The following RAB30 variants were observed in gnomAD, a reference collection of about 807,000 sequenced individuals.
The protein encoded by RAB30 is ras-related protein Rab-30.
RAB30 carries 9 observed loss-of-function variants against 25.1 expected under a neutral mutation model. The observed-to-expected ratio is 0.36, with a 90% confidence interval of 0.22 to 0.63. The LOEUF is 0.63. RAB30 is among the 20% of genes least tolerant of loss of function. The pLI is 0.69. For synonymous variants in RAB30, 77 were observed against 86.4 expected, an observed-to-expected ratio of 0.89 and a Z score of 0.60; for missense variants, 140 against 243.5, an observed-to-expected ratio of 0.58 and a Z score of 2.83.
chr11:82,983,022 T>C (rs942056144), intron 4 of RAB30, among the ~76,000 whole-genome samples: 3 of 151,558 alleles, frequency 2.0e-5, no homozygotes, highest in African/African-American at 7.3e-5. Flanking sequence ...TTCTATATAC[T>C]GCCATGTAAT....
rs1285215315 is a variant in RAB30, at chr11:82,981,146, A to C, written c.*1019T>G. 6.6e-6 allele frequency: 1 copy of C among 152,206 alleles called. No individual in the cohort carries two copies. Among genetic ancestry groups the C allele is most frequent in the Non-Finnish European group, 1.5e-5 (1 of 68,032 alleles). 9.4% of individuals were successfully genotyped at this position (152,206 alleles called of 1,614,324 possible). On this transcript the variant is annotated 3_prime_UTR_variant, in exon 5 of 5. Transcript: ENST00000527633. ...AAGTAAAAGATGTGACCTACTATCA[A>C]GGACTGTGCTCTGCTAGGAGCCCTG...
At chr11:83,029,398 A>T (rs988839878) in intron 1 of RAB30, among the ~76,000 whole-genome samples, 12 of 149,756 alleles carry the variant, frequency 8.0e-5, no homozygotes, top group African/African-American at 1.2e-4. Context: ...TAAATATTTT[A>T]TTATTATTAT....
At chr11:83,062,778 A>G (rs1590882416) in intron 1 of RAB30, among the ~76,000 whole-genome samples, 1 of 152,122 alleles carries the variant, frequency 6.6e-6, no homozygotes, top group East Asian at 1.9e-4. Flanking sequence ...AAGTGGGCGG[A>G]TCGCCTGAGG....
intron 1 of RAB30, among the ~76,000 whole-genome samples, chr11:83,058,349 A>T (rs1858498003): frequency 6.6e-6 from 1 of 152,250 alleles, no homozygotes; most frequent in South Asian, 2.1e-4. Flanking sequence ...GCAAAAAATA[A>T]AATAAAATTT....
chr11:83,023,358 G>C (rs1215746715), intron 1 of RAB30, among the ~76,000 whole-genome samples: 1 of 152,184 alleles, frequency 6.6e-6, no homozygotes, highest in Non-Finnish European at 1.5e-5. Flanking sequence ...CTTAAGGTCA[G>C]CGCTCAGATA....
At chr11:83,064,306 C>T (rs1858646062) in intron 1 of RAB30, among the ~76,000 whole-genome samples, 1 of 152,112 alleles carries the variant, frequency 6.6e-6, no homozygotes, top group Admixed American at 6.6e-5. Flanking sequence ...CAGAGTTTCA[C>T]CATGTTGCCC....
intron 2 of RAB30, among the ~76,000 whole-genome samples, chr11:82,996,811 G>C (rs1023595510): frequency 6.6e-6 from 1 of 152,232 alleles, no homozygotes; most frequent in Middle Eastern, 3.2e-3. Flanking sequence ...GGCATAGGCA[G>C]AGTTTGATTG....
intron 1 of RAB30, among the ~76,000 whole-genome samples, chr11:83,054,228 T>C (rs1250388940): frequency 6.6e-6 from 1 of 152,210 alleles, no homozygotes; most frequent in Non-Finnish European, 1.5e-5. Flanking sequence ...GTGCCCCTCC[T>C]CTATGCTCCA....
chr11:82,984,956 G>A (rs1815479176), intron 4 of RAB30, among the ~76,000 whole-genome samples: 2 of 152,114 alleles, frequency 1.3e-5, no homozygotes, highest in Admixed American at 6.6e-5. Flanking sequence ...TAATTGCAAG[G>A]GACTGAAATA....
intron 1 of RAB30, among the ~76,000 whole-genome samples, chr11:83,050,956 C>T (rs1351813811): frequency 6.6e-6 from 1 of 152,060 alleles, no homozygotes; most frequent in African/African-American, 2.4e-5. Context: ...CTTTTGAGTC[C>T]CTGTGTGGTT....
At chr11:83,067,410 C>T (rs1317468546) in intron 1 of RAB30, among the ~76,000 whole-genome samples, 2 of 152,022 alleles carry the variant, frequency 1.3e-5, no homozygotes, top group African/African-American at 4.8e-5. Flanking sequence ...AAGCAGTGTC[C>T]AGTGTGAGAA....
intron 1 of RAB30, among the ~76,000 whole-genome samples, chr11:83,009,585 C>T (rs4365073): frequency 0.22 from 32,814 of 151,214 alleles, 4,256 homozygotes; most frequent in Admixed American, 0.29. Context: ...AACAACATGC[C>T]CAGGGAGCCA....
At chr11:83,067,368 G>A (rs950734059) in intron 1 of RAB30, among the ~76,000 whole-genome samples, 3 of 152,136 alleles carry the variant, frequency 2.0e-5, no homozygotes, top group Non-Finnish European at 4.4e-5. Flanking sequence ...AAAAAAAAAT[G>A]TGATATGTCC....
At chr11:83,059,824 G>A (rs1420013010) in intron 1 of RAB30, among the ~76,000 whole-genome samples, 1 of 151,994 alleles carries the variant, frequency 6.6e-6, no homozygotes, top group Non-Finnish European at 1.5e-5. Context: ...TAAGGTTGAG[G>A]GGGAAAAAAG....
intron 1 of RAB30, among the ~76,000 whole-genome samples, chr11:83,029,536 G>A (rs1200692827): frequency 6.6e-6 from 1 of 151,586 alleles, no homozygotes. Flanking sequence ...CAAAGTGCTG[G>A]GATTACAGGT....
chr11:83,041,195 CA>C (rs1158408440), intron 1 of RAB30: 85 of 140,880 alleles, frequency 6.0e-4, no homozygotes, highest in Middle Eastern at 7.3e-3. Context: ...AACTCTGTCT[CA>C]AAAAAAAAAA....
intron 1 of RAB30, among the ~76,000 whole-genome samples, chr11:83,007,572 G>A (rs373035745): frequency 1.3e-5 from 2 of 152,064 alleles, no homozygotes; most frequent in East Asian, 1.9e-4. Context: ...TTATCTTCTG[G>A]TGCTCTTTCT....
Position 82,978,380 on chromosome 11 carries a change from A to G in RAB30, c.*3785T>C, listed in dbSNP as rs1044034624. 4.6e-5 allele frequency: 7 copies of G among 152,166 alleles called. No homozygotes were observed. Among genetic ancestry groups the G allele is most frequent in the Non-Finnish European group, 1.0e-4 (7 of 68,028 alleles). The allele number at this position is 152,166 out of a possible 1,614,324, so 9.4% of individuals were successfully genotyped here. Reference sequence around the variant, plus strand: ...GCCCTAAATGACAGGTAATAAATCTAAACTTAGGAACATTTCCTCACAGTT... The same window carrying G: ...GCCCTAAATGACAGGTAATAAATCTGAACTTAGGAACATTTCCTCACAGTT... On this transcript the variant is annotated 3_prime_UTR_variant, in exon 5 of 5. Transcript: ENST00000527633.
At chr11:82,984,866 G>C (rs1856710056) in intron 4 of RAB30, among the ~76,000 whole-genome samples, 1 of 152,144 alleles carries the variant, frequency 6.6e-6, no homozygotes, top group Admixed American at 6.5e-5. Flanking sequence ...ACATTCCTGG[G>C]GTCATGTCAA....
Sources: allele counts gnomAD v4.1 joint callset (sites outside exome capture counted in the v4.1 genomes callset), GRCh38; gene constraint gnomAD v4.1.1; transcripts MANE v1.5; gene names NCBI Gene and HGNC (gene_info 2026-07-23, HGNC 2026-07-21).